PCAT7: variants seen among roughly 807,000 people sequenced by gnomAD.
The protein encoded by PCAT7 is prostate cancer associated transcript 7 (non-protein coding).
intron 2 of PCAT7, among the ~76,000 whole-genome samples, chr9:94,560,739 T>C (rs1188067737): frequency 6.8e-6 from 1 of 147,980 alleles, no homozygotes; most frequent in Admixed American, 6.8e-5. Context: ...TATATTTACA[T>C]ATAATATGTT....
At chr9:94,567,359 T>C (rs757198213) in intron 2 of PCAT7, 2 of 1,614,148 alleles carry the variant, frequency 1.2e-6, no homozygotes, top group South Asian at 2.2e-5. Context: ...ATCTTTCCTT[T>C]CTTCTTAATC....
intron 2 of PCAT7, among the ~76,000 whole-genome samples, chr9:94,564,756 C>T (rs781089701): frequency 3.7e-4 from 56 of 152,050 alleles, no homozygotes; most frequent in Non-Finnish European, 7.4e-4. Flanking sequence ...CAGCAAACCC[C>T]CATGACAGGA....
chr9:94,562,754 A>G (rs1379449199), intron 2 of PCAT7, among the ~76,000 whole-genome samples: 1 of 152,168 alleles, frequency 6.6e-6, no homozygotes, highest in Non-Finnish European at 1.5e-5. Flanking sequence ...TCACTTGATA[A>G]TACAAGTATT....
At position 94,559,858 on chromosome 9, in the gene PCAT7, T is replaced by C. The variant is rs922258145; in HGVS notation, n.441+706T>C. 7.2e-5 allele frequency among the ~76,000 whole-genome samples: 11 copies of C among 152,128 alleles called. 1 individual carries two copies. Among genetic ancestry groups the C allele is most frequent in the African/African-American group, 2.7e-4 (11 of 41,406 alleles). On this transcript the variant is annotated intron_variant and non_coding_transcript_variant, in intron 2 of 8. Transcript: ENST00000647389. ...AGTAGTGCCGACACAGAGAAAGTGT[T>C]GGCTCCGGCCTGTAATCCCAGGATT...
chr9:94,562,078 A>G (rs973105345), intron 2 of PCAT7, among the ~76,000 whole-genome samples: 11 of 152,230 alleles, frequency 7.2e-5, no homozygotes, highest in South Asian at 2.1e-4. Flanking sequence ...TTGGGAGGCC[A>G]AGGCGGGCGG....
chr9:94,565,020 A>G (rs1482039663), intron 2 of PCAT7, among the ~76,000 whole-genome samples: 1 of 152,212 alleles, frequency 6.6e-6, no homozygotes, highest in African/African-American at 2.4e-5. Context: ...TGTATATTAT[A>G]TATAATGAAA....
At chr9:94,562,495 T>A (rs1827123860) in intron 2 of PCAT7, among the ~76,000 whole-genome samples, 1 of 152,038 alleles carries the variant, frequency 6.6e-6, no homozygotes, top group Non-Finnish European at 1.5e-5. Context: ...TACACCAACC[T>A]ATTAAAATCT....
chr9:94,566,628 G>A (rs1022940836), intron 2 of PCAT7, among the ~76,000 whole-genome samples: 5 of 152,248 alleles, frequency 3.3e-5, no homozygotes, highest in African/African-American at 1.2e-4. Flanking sequence ...TTCTGTGTGT[G>A]TGTCTTTAAT....
intron 2 of PCAT7, among the ~76,000 whole-genome samples, chr9:94,565,243 C>T (rs896826772): frequency 6.6e-6 from 1 of 151,404 alleles, no homozygotes; most frequent in Non-Finnish European, 1.5e-5. Flanking sequence ...GGCATGGTGG[C>T]GGGAGGCTGT....
At chr9:94,562,059 C>T (rs1827113858) in intron 2 of PCAT7, among the ~76,000 whole-genome samples, 1 of 152,216 alleles carries the variant, frequency 6.6e-6, no homozygotes, top group Non-Finnish European at 1.5e-5. Context: ...TACCTGTAAT[C>T]CCAGCACTTT....
intron 2 of PCAT7, chr9:94,568,236 C>T (rs776538804): frequency 3.3e-5 from 5 of 152,054 alleles, no homozygotes; most frequent in Non-Finnish European, 4.4e-5. Flanking sequence ...AAGAGGAAGC[C>T]GCTTTCATCA....
chr9:94,558,747 T>A, intron 1 of PCAT7: 1 of 577,264 alleles, frequency 1.7e-6, no homozygotes, highest in Non-Finnish European at 3.1e-6. Flanking sequence ...TTATTTCTAG[T>A]CCTTCACATT....
intron 1 of PCAT7, chr9:94,555,349 G>C (rs565252509): frequency 6.6e-6 from 1 of 151,988 alleles, no homozygotes; most frequent in African/African-American, 2.4e-5. Flanking sequence ...GATAGAGGTG[G>C]GTAAAGAGTG....
chr9:94,556,876 C>A (rs902336597), intron 1 of PCAT7, among the ~76,000 whole-genome samples: 1 of 152,092 alleles, frequency 6.6e-6, no homozygotes, highest in Non-Finnish European at 1.5e-5. Context: ...AAGGTAATGG[C>A]CTAGATGTAT....
intron 1 of PCAT7, among the ~76,000 whole-genome samples, chr9:94,555,673 A>T (rs1380640704): frequency 1.3e-5 from 2 of 151,464 alleles, no homozygotes; most frequent in East Asian, 2.0e-4. Flanking sequence ...GCAAAAGAAG[A>T]TAGCAAGTGG....
At chr9:94,562,180 G>A (rs1043609397) in intron 2 of PCAT7, among the ~76,000 whole-genome samples, 14 of 151,848 alleles carry the variant, frequency 9.2e-5, no homozygotes, top group South Asian at 4.2e-4. Flanking sequence ...GCGTGGTGGC[G>A]GGCGCCTGTA....
At chr9:94,571,257 A>G (rs1827265452) in intron 2 of PCAT7, among the ~76,000 whole-genome samples, 2 of 151,084 alleles carry the variant, frequency 1.3e-5, no homozygotes, top group African/African-American at 4.9e-5. Flanking sequence ...TCTGCAGGAC[A>G]CTCCTCCCCC....
At chr9:94,568,023 G>C (rs1374800497) in intron 2 of PCAT7, 3 of 152,128 alleles carry the variant, frequency 2.0e-5, no homozygotes, top group Admixed American at 6.5e-5. Flanking sequence ...AGCTACTCGG[G>C]GGGCTGAGGC....
chr9:94,571,388 C>T (rs1284801650), intron 2 of PCAT7: 16 of 1,405,938 alleles, frequency 1.1e-5, no homozygotes, highest in East Asian at 7.4e-5. Flanking sequence ...AGGACATTAT[C>T]GCAGAGAACT....
Sources: allele counts gnomAD v4.1 joint callset (sites outside exome capture counted in the v4.1 genomes callset), GRCh38; gene constraint gnomAD v4.1.1; transcripts MANE v1.5; gene names NCBI Gene and HGNC (gene_info 2026-07-23, HGNC 2026-07-21).